MYO9A: variants seen among roughly 807,000 people sequenced by gnomAD.
The protein encoded by MYO9A is unconventional myosin-IXa.
MYO9A carries 103 observed loss-of-function variants against 293.3 expected under a neutral mutation model. The ratio of observed to expected loss-of-function variants is 0.35; its 90% CI spans 0.30 to 0.41. The LOEUF is 0.41. Among genes scored for constraint, MYO9A ranks in the 10% least tolerant of loss-of-function variants. MYO9A has a pLI of 1.00. For synonymous variants in MYO9A, 1,001 were observed against 1,035.7 expected (o/e 0.97, Z 0.64); for missense variants, 2,685 against 3,033.0 (o/e 0.89, Z 2.69).
intron 9 of MYO9A, among the ~76,000 whole-genome samples, chr15:71,998,238 A>G (rs1331780108): frequency 6.6e-6 from 1 of 152,198 alleles, no homozygotes; most frequent in Non-Finnish European, 1.5e-5. Context: ...CAAACACAGC[A>G]TGTTCTCACT....
chr15:71,880,888 G>T (rs1311199255), intron 28 of MYO9A, among the ~76,000 whole-genome samples: 2 of 152,194 alleles, frequency 1.3e-5, no homozygotes, highest in Non-Finnish European at 2.9e-5. Context: ...CCAAAGAAAA[G>T]AAGAGAATAT....
chr15:72,028,232 T>TAA (rs1217633793), intron 3 of MYO9A, among the ~76,000 whole-genome samples: 1 of 145,344 alleles, frequency 6.9e-6, no homozygotes, highest in Non-Finnish European at 1.5e-5. Flanking sequence ...TATATATATA[T>TAA]ATATATAAAT....
intron 1 of MYO9A, among the ~76,000 whole-genome samples, chr15:72,093,266 G>C (rs369380110): frequency 1.4e-3 from 215 of 152,306 alleles, no homozygotes; most frequent in African/African-American, 4.5e-3. Flanking sequence ...GGTGGCTCAT[G>C]CCTGTAATTT....
At chr15:72,068,703 C>T (rs1005768059) in intron 1 of MYO9A, among the ~76,000 whole-genome samples, 1 of 151,972 alleles carries the variant, frequency 6.6e-6, no homozygotes, top group Admixed American at 6.6e-5. Context: ...GTCTTGAAGC[C>T]TGGGATCAAG....
intron 16 of MYO9A, among the ~76,000 whole-genome samples, chr15:71,937,312 G>T (rs901218252): frequency 6.6e-6 from 1 of 152,028 alleles, no homozygotes; most frequent in Non-Finnish European, 1.5e-5. Flanking sequence ...AATCTTTCCT[G>T]TAAGGAAGAG....
intron 18 of MYO9A, among the ~76,000 whole-genome samples, chr15:71,916,871 C>A (rs2058026168): frequency 6.6e-6 from 1 of 152,156 alleles, no homozygotes; most frequent in South Asian, 2.1e-4. Context: ...AGCATCCAGG[C>A]ACTAGTTTTG....
intron 14 of MYO9A, among the ~76,000 whole-genome samples, chr15:71,954,136 T>C (rs2059125178): frequency 6.6e-6 from 1 of 151,642 alleles, no homozygotes; most frequent in Non-Finnish European, 1.5e-5. Flanking sequence ...CCTCGTGACC[T>C]GCCTGCCTCA....
intron 1 of MYO9A, among the ~76,000 whole-genome samples, chr15:72,093,450 C>G (rs1383727417): frequency 6.6e-6 from 1 of 152,138 alleles, no homozygotes; most frequent in Non-Finnish European, 1.5e-5. Context: ...GCAAGAGGAT[C>G]ACCTGAGCCC....
At chr15:71,964,823 C>A (rs2075832226) in intron 13 of MYO9A, among the ~76,000 whole-genome samples, 1 of 151,718 alleles carries the variant, frequency 6.6e-6, no homozygotes, top group Non-Finnish European at 1.5e-5. Flanking sequence ...GGCATGGTGG[C>A]ACAAGCCTGT....
intron 16 of MYO9A, among the ~76,000 whole-genome samples, chr15:71,936,960 GGAGA>G (rs931592097): frequency 1.3e-5 from 2 of 150,188 alleles, no homozygotes; most frequent in East Asian, 1.9e-4. Flanking sequence ...GAAAACAAAA[GGAGA>G]GAGAGAGGAG....
At chr15:72,060,711 T>C (rs938367407) in intron 1 of MYO9A, among the ~76,000 whole-genome samples, 1 of 152,166 alleles carries the variant, frequency 6.6e-6, no homozygotes, top group Admixed American at 6.5e-5. Flanking sequence ...AGCCCTACCA[T>C]GGCAAGCTAA....
At chr15:72,115,959 A>T (rs1434586399) in intron 1 of MYO9A, among the ~76,000 whole-genome samples, 1 of 152,250 alleles carries the variant, frequency 6.6e-6, no homozygotes, top group Non-Finnish European at 1.5e-5. Context: ...CCAGTAAATG[A>T]GGCACTTCCA....
chr15:71,879,086 T>C (rs2142422777), intron 30 of MYO9A, among the ~76,000 whole-genome samples: 1 of 152,234 alleles, frequency 6.6e-6, no homozygotes, highest in South Asian at 2.1e-4. Context: ...GCTTTCCAGA[T>C]TTTTCTCTTC....
At chr15:72,004,780 T>C (rs1470788512) in intron 8 of MYO9A, among the ~76,000 whole-genome samples, 2 of 152,226 alleles carry the variant, frequency 1.3e-5, no homozygotes, top group African/African-American at 2.4e-5. Context: ...TAGGCATTAG[T>C]AAAGGCTCAA....
chr15:72,118,136 A>AGCAGGCGC lies in MYO9A; in HGVS notation c.-536_-529dup, dbSNP rs2081075589. ...CCGCGCGACTCCCCGGCTGCAGGCG[A>AGCAGGCGC]GCAGGCGCGCGCGCACTTACCTCCC... On this transcript the variant is annotated 5_prime_UTR_variant, in exon 1 of 42. Coordinates refer to ENST00000356056, the MANE Select transcript of MYO9A (RefSeq NM_006901.4). 1 of 377,808 alleles carries AGCAGGCGC rather than the reference A, an allele frequency of 2.6e-6. No homozygotes were observed. Among genetic ancestry groups the AGCAGGCGC allele is most frequent in the Non-Finnish European group, 4.7e-6 (1 of 213,632 alleles). The allele number at this position is 377,808 out of a possible 1,614,324, so 23.4% of individuals were successfully genotyped here. A position where few individuals can be genotyped will look rare whatever the true frequency, so the allele number is the denominator to read the frequency against.
chr15:72,014,972 T>C (rs1186209692), intron 6 of MYO9A, among the ~76,000 whole-genome samples: 5 of 150,998 alleles, frequency 3.3e-5, no homozygotes, highest in Admixed American at 2.6e-4. Context: ...GCCTCCTGAG[T>C]AGCTGGGACT....
At position 71,899,723 on chromosome 15, in the gene MYO9A, A is replaced by G. The variant is rs112784121; in HGVS notation, c.3434T>C (p.Leu1145Ser). 2 of 1,613,966 alleles carry G rather than the reference A, an allele frequency of 1.2e-6. No individual in the cohort carries two copies. Reference protein sequence around the residue: ...YQEQRKKIILLQSTCRGFRAR... With the variant: ...YQEQRKKIILSQSTCRGFRAR... The stretch of plus-strand genomic sequence containing the variant: ...TCTGAATCCTCTACATGTTGATTGC[A>G]AAAGGATAATTTTTTTCCTTTGTTC... The change falls in exon 24 of 42, where the codon TTG becomes TCG. Residue 1145 changes from leucine (L) to serine (S), a missense_variant. Transcript: ENST00000356056.
intron 9 of MYO9A, 129 bp from the exon 10 acceptor site, chr15:71,994,714 T>TA (rs2076646957): frequency 3.5e-6 from 2 of 569,236 alleles, no homozygotes; most frequent in African/African-American, 3.9e-5. Context: ...TCTCTCAAAA[T>TA]AAAAAATCTA....
At position 71,941,727 on chromosome 15, in the gene MYO9A, C is replaced by G. The variant is rs377755718; in HGVS notation, c.2303-2800G>C. On this transcript the variant is annotated intron_variant, in intron 15 of 41. Transcript: ENST00000356056. ...ATTTAGGGACATGAGAATCAAATTG[C>G]TGAATGCCAAATATGAAGAGAAAAT... Among the ~76,000 whole-genome samples the G allele has an allele frequency of 7.2e-5, 11 of 151,828 alleles. No individual in the cohort carries two copies. The East Asian group carries it at 1.5e-3, about 21-fold the overall frequency.
Sources: gnomAD v4.1 joint callset for allele counts (sites outside exome capture counted in the v4.1 genomes callset) on GRCh38, gnomAD v4.1.1 for gene constraint, MANE v1.5 for transcripts, NCBI Gene and HGNC (gene_info 2026-07-23, HGNC 2026-07-21) for gene names.